Variants in COX18 observed in about 807,000 individuals in gnomAD.
The protein encoded by COX18 is cytochrome c oxidase assembly factor COX18.
COX18 carries 45 observed loss-of-function variants against 38.0 expected under a neutral mutation model. The observed-to-expected ratio is 1.18, with a 90% confidence interval of 0.93 to 1.52. The LOEUF is 1.52. COX18 is among the 40% of genes most tolerant of loss of function. The pLI is 0.00. For synonymous variants in COX18, 177 were observed against 169.8 expected, an observed-to-expected ratio of 1.04 and a Z score of -0.33; for missense variants, 462 against 423.8, an observed-to-expected ratio of 1.09 and a Z score of -0.79.
chr4:73,068,487 A>G (rs1720583298), intron 1 of COX18: 1 of 174,476 alleles, frequency 5.7e-6, no homozygotes, highest in Admixed American at 5.6e-5. Context: ...AAGCGGAGAA[A>G]ACAGCAGTTT....
intron 5 of COX18, among the ~76,000 whole-genome samples, chr4:73,059,028 G>T (rs1007135267): frequency 4.6e-5 from 7 of 152,172 alleles, no homozygotes; most frequent in African/African-American, 1.2e-4. Context: ...CTGACAGGAG[G>T]TGGAGCTCAG....
At position 73,065,339 on chromosome 4, in the gene COX18, G is replaced by C. The variant is rs148370240; in HGVS notation, c.509C>G (p.Ala170Gly). Residue 170 changes from alanine to glycine, a missense_variant, in exon 3 of 6, where the codon GCC becomes GGC. Physicochemically the swap from Ala to Gly is moderately conservative, Grantham distance 60 (BLOSUM62 0). Transcript: ENST00000507544. The stretch of plus-strand genomic sequence containing the variant: ...AAGCTGAATCCAAACCAACACAGTG[G>C]CTTTGAAAGGGTGGCAGTTATCTCG... ...YVRDNCHPFK[A>G]TVLVWIQLPM... The C allele has an allele frequency of 1.9e-6, 3 of 1,613,930 alleles. No individual in the cohort carries two copies. Among genetic ancestry groups the C allele is most frequent in the Middle Eastern group, 1.7e-4 (1 of 6,060 alleles).
At chr4:73,063,927 TA>T (rs1397694759) in intron 4 of COX18, among the ~76,000 whole-genome samples, 1 of 152,212 alleles carries the variant, frequency 6.6e-6, no homozygotes, top group Non-Finnish European at 1.5e-5. Flanking sequence ...GAGAACAATT[TA>T]TGAAATTATA....
In COX18 at chr4:73,064,886, CT is replaced by C. The variant is rs771500039; in HGVS notation, c.614del (p.Gln205ArgfsTer4). 9 of 1,613,668 alleles carry C rather than the reference CT, an allele frequency of 5.6e-6. No individual in the cohort carries two copies. The East Asian group carries it at 2.0e-4, about 36-fold the overall frequency. On this transcript the variant is annotated frameshift_variant, in exon 4 of 6. Coordinates refer to ENST00000507544, the MANE Select transcript of COX18 (RefSeq NM_001297732.2). LOFTEE classifies it high-confidence loss of function. ...GAATTCCACCAGTAGCTAACTGTTC[CT>C]GAACAGAAAAACCTGCTAAAACAGT... is the stretch of plus-strand genomic sequence containing the variant. ...AAHSEAGFSV[Q>X]EQLATGGILW...
In COX18 at chr4:73,052,959, C is replaced by A. The variant is rs1719782196; in HGVS notation, c.*5155G>T. ...TCCTAAAAAAAAAAAAAAGGTGATT[C>A]CTGGGATTCTTAGAAGAATAAAATA... On this transcript the variant is annotated 3_prime_UTR_variant, in exon 6 of 6. Coordinates refer to ENST00000507544, the MANE Select transcript of COX18 (RefSeq NM_001297732.2). 6.6e-6 allele frequency: 1 copy of A among 150,692 alleles called. No homozygotes were observed. 9.3% of individuals were successfully genotyped at this position (150,692 alleles called of 1,614,324 possible).
At chr4:73,068,002 G>T (rs1720556540) in intron 2 of COX18, 27 bp downstream of exon 2, 27 of 1,313,722 alleles carry the variant, frequency 2.1e-5, no homozygotes, top group Non-Finnish European at 2.6e-5. Flanking sequence ...GTGTGCGTAT[G>T]GTCTTACGTG....
upstream of COX18, chr4:73,069,747 G>A (rs1405744958): frequency 1.7e-6 from 2 of 1,157,116 alleles, no homozygotes; most frequent in South Asian, 1.5e-5. Flanking sequence ...GCAACAGCGG[G>A]CATAAAGCGC....
At position 73,054,375 on chromosome 4, in the gene COX18, T is replaced by C. The variant is rs901568659; in HGVS notation, c.*3739A>G. 2.0e-5 allele frequency: 3 copies of C among 152,208 alleles called. No homozygotes were observed. The highest frequency in any genetic ancestry group is 7.2e-5 in the African/African-American group (3 of 41,454). 9.4% of individuals were successfully genotyped at this position (152,208 alleles called of 1,614,324 possible). A position where few individuals can be genotyped will look rare whatever the true frequency, so the allele number is the denominator to read the frequency against. On this transcript the variant is annotated 3_prime_UTR_variant, in exon 6 of 6. Coordinates refer to ENST00000507544, the MANE Select transcript of COX18 (RefSeq NM_001297732.2). ...ATTTTTTGCTCTTTACTAAAAAAAA[T>C]CTGCCTGAAGAAAAAAATCAAGAGT...
Position 73,057,320 on chromosome 4 carries a change from G to C in COX18, c.*794C>G, listed in dbSNP as rs955277637. 6.6e-6 allele frequency: 1 copy of C among 151,926 alleles called. No homozygotes were observed. The highest frequency in any genetic ancestry group is 1.5e-5 in the Non-Finnish European group (1 of 68,090). 9.4% of individuals were successfully genotyped at this position (151,926 alleles called of 1,614,324 possible). ...TGTGCACCTGCAATCCCAGATACTT[G>C]GAGGCTGAGGCAGGAAAATCACTGG... On this transcript the variant is annotated 3_prime_UTR_variant, in exon 6 of 6. Transcript: ENST00000507544.
At position 73,052,871 on chromosome 4, in the gene COX18, A is replaced by G. The variant is rs907487079; in HGVS notation, c.*5243T>C. 4 of 151,888 alleles carry G rather than the reference A, an allele frequency of 2.6e-5. No individual in the cohort carries two copies. The highest frequency in any genetic ancestry group is 4.8e-5 in the African/African-American group (2 of 41,358). The allele number at this position is 151,888 out of a possible 1,614,324, so 9.4% of individuals were successfully genotyped here. On this transcript the variant is annotated 3_prime_UTR_variant, in exon 6 of 6. Transcript: ENST00000507544. The stretch of plus-strand genomic sequence containing the variant: ...AACTACATTCTTTAATTTTTTTTCT[A>G]GGGTCTGCATTCCTACTGCTTCTGG...
intron 5 of COX18, among the ~76,000 whole-genome samples, chr4:73,061,582 C>T (rs746323790): frequency 6.6e-6 from 1 of 152,078 alleles, no homozygotes; most frequent in Admixed American, 6.6e-5. Flanking sequence ...GTGGCAGGCG[C>T]CTGTAGTCCC....
chr4:73,067,867 AT>A (rs1720536191), intron 2 of COX18, among the ~76,000 whole-genome samples, 161 bp downstream of exon 2: 2 of 104,092 alleles, frequency 1.9e-5, no homozygotes, highest in Non-Finnish European at 2.0e-5. Context: ...AAAAAAAAAT[AT>A]ATATATATAT....
chr4:73,065,154 G>C, intron 3 of COX18, 96 bp downstream of exon 3: 1 of 1,153,838 alleles, frequency 8.7e-7, no homozygotes, highest in Admixed American at 2.5e-5. Flanking sequence ...TAAACATATC[G>C]TAATTATGAA....
At position 73,069,375 on chromosome 4, in the gene COX18, G is replaced by A. The variant is rs1389968655; in HGVS notation, c.275C>T (p.Ala92Val). ...WWGSILLSTV[A>V]LRGAVTLPLA... ...AGGCAGCGTGACAGCACCCCGTAAG[G>A]CCACGGTGGAGAGCAGAATGCTGCC... Residue 92 changes from alanine (A) to valine (V), a missense_variant, in exon 1 of 6, where the codon GCC (alanine) becomes GTC (valine). By Grantham distance (64) the Ala-to-Val change is moderately conservative. Coordinates refer to ENST00000507544, the MANE Select transcript of COX18 (RefSeq NM_001297732.2). 8.3e-6 allele frequency: 13 copies of A among 1,559,376 alleles called. No individual in the cohort carries two copies. In the Admixed American group the frequency reaches 2.1e-4, roughly 25 times the overall value.
Position 73,056,219 on chromosome 4 carries a change from A to G in COX18, c.*1895T>C, listed in dbSNP as rs1291361375. 1.3e-5 allele frequency: 2 copies of G among 152,200 alleles called. No individual in the cohort carries two copies. Among genetic ancestry groups the G allele is most frequent in the Non-Finnish European group, 2.9e-5 (2 of 68,034 alleles). The allele number at this position is 152,200 out of a possible 1,614,324, so 9.4% of individuals were successfully genotyped here. On this transcript the variant is annotated 3_prime_UTR_variant, in exon 6 of 6. Coordinates refer to ENST00000507544, the MANE Select transcript of COX18 (RefSeq NM_001297732.2). ...AATACCTGCCATACTTGATATCTCA[A>G]CCAGAGCTAATTTTACCTCTTTACA...
At chr4:73,067,492 C>A (rs1727478089) in intron 2 of COX18, among the ~76,000 whole-genome samples, 1 of 152,042 alleles carries the variant, frequency 6.6e-6, no homozygotes, top group South Asian at 2.1e-4. Context: ...CTATTTATTT[C>A]TTTGCTTTCA....
chr4:73,056,009 T>A lies in COX18; in HGVS notation c.*2105A>T, dbSNP rs999897119. 1 of 152,184 alleles carries A rather than the reference T, an allele frequency of 6.6e-6. No individual in the cohort carries two copies. The highest frequency in any genetic ancestry group is 1.5e-5 in the Non-Finnish European group (1 of 68,034). 9.4% of individuals were successfully genotyped at this position (152,184 alleles called of 1,614,324 possible). On this transcript the variant is annotated 3_prime_UTR_variant, in exon 6 of 6. Coordinates refer to ENST00000507544, the MANE Select transcript of COX18 (RefSeq NM_001297732.2). ...CTCTGTATGCTGTACATTTTTTCTA[T>A]TAAAAAATGTCATAACTTCATTAAG...
At chr4:73,062,939 T>G (rs988059177) in intron 4 of COX18, among the ~76,000 whole-genome samples, 2 of 152,144 alleles carry the variant, frequency 1.3e-5, no homozygotes, top group African/African-American at 4.8e-5. Flanking sequence ...TTCTCTGCAT[T>G]AAAAAAGGAT....
intron 5 of COX18, among the ~76,000 whole-genome samples, chr4:73,059,442 G>A (rs1353001027): frequency 1.3e-5 from 2 of 152,186 alleles, no homozygotes; most frequent in East Asian, 3.8e-4. Context: ...ATGCAAGTAT[G>A]TGGTCCACAT....
Sources: allele counts gnomAD v4.1 joint callset (sites outside exome capture counted in the v4.1 genomes callset), GRCh38; gene constraint gnomAD v4.1.1; transcripts MANE v1.5; gene names NCBI Gene and HGNC (gene_info 2026-07-23, HGNC 2026-07-21).